PLCG2: variants seen among roughly 807,000 people sequenced by gnomAD.
PLCG2 encodes the protein 1-phosphatidylinositol 4,5-bisphosphate phosphodiesterase gamma-2.
In PLCG2, 69 loss-of-function variants were observed where a neutral mutation model predicts 175.6. The ratio of observed to expected loss-of-function variants is 0.39; its 90% CI spans 0.32 to 0.48. The LOEUF is 0.48. Among genes scored for constraint, PLCG2 ranks in the 20% least tolerant of loss-of-function variants. PLCG2 has a pLI of 0.91. For synonymous variants in PLCG2, 827 were observed against 624.0 expected (o/e 1.33, Z -4.85); for missense variants, 1,798 against 1,650.9 (o/e 1.09, Z -1.54).
chr16:81,800,817 A>G (rs912097314), intron 2 of PLCG2, among the ~76,000 whole-genome samples: 1 of 152,090 alleles, frequency 6.6e-6, no homozygotes, highest in Admixed American at 6.6e-5. Context: ...GATTGAACAG[A>G]TCTTGAGATG....
chr16:81,804,141 G>A (rs1911885826), intron 2 of PLCG2, among the ~76,000 whole-genome samples: 1 of 152,216 alleles, frequency 6.6e-6, no homozygotes, highest in African/African-American at 2.4e-5. Context: ...GTTTGCCAAA[G>A]CAGTTGCACC....
Position 81,957,497 on chromosome 16 carries a change from T to G in PLCG2, c.3756-459T>G, listed in dbSNP as rs577105665. Reference sequence around the variant, plus strand: ...ACTTTTAAGGAGTACTTATTGTGTTTCCAAGAATGGGCTAGTCCAGCGGCT... The same window carrying G: ...ACTTTTAAGGAGTACTTATTGTGTTGCCAAGAATGGGCTAGTCCAGCGGCT... On this transcript the variant is annotated intron_variant, in intron 32 of 32. Transcript: ENST00000564138. 3.3e-5 allele frequency among the ~76,000 whole-genome samples: 5 copies of G among 152,306 alleles called. No individual in the cohort carries two copies. In the South Asian group the frequency reaches 8.3e-4, roughly 25 times the overall value.
chr16:81,837,175 C>T (rs1020214940), intron 2 of PLCG2, among the ~76,000 whole-genome samples: 37 of 152,152 alleles, frequency 2.4e-4, no homozygotes, highest in African/African-American at 7.0e-4. Context: ...AACGAGAATA[C>T]ATATACATGC....
chr16:81,875,557 C>T (rs1907740250), intron 7 of PLCG2, among the ~76,000 whole-genome samples: 1 of 152,178 alleles, frequency 6.6e-6, no homozygotes, highest in African/African-American at 2.4e-5. Flanking sequence ...CAGCTGACTT[C>T]AGCCATTATC....
rs1239813704 is a variant in PLCG2 at position 81,786,007 on chromosome 16, T to C, written c.18T>C (p.Asn6=). Residue 6 remains asparagine (N), a synonymous_variant, in exon 2 of 33, where the codon AAT becomes AAC. Coordinates refer to ENST00000564138, the MANE Select transcript of PLCG2 (RefSeq NM_002661.5). The stretch of plus-strand genomic sequence containing the variant: ...GGCCGACAATGTCCACCACGGTCAA[T>C]GTAGATTCCCTTGCGGAATATGAGA... MSTTV[N]VDSLAEYEKS... 1 of 1,614,128 alleles carries C rather than the reference T, an allele frequency of 6.2e-7. No homozygotes were observed. The highest frequency in any genetic ancestry group is 1.1e-5 in the South Asian group (1 of 91,072).
chr16:81,935,807 A>T, intron 26 of PLCG2: 1 of 985,286 alleles, frequency 1.0e-6, no homozygotes, highest in African/African-American at 1.7e-5. Flanking sequence ...GTCTCTCTGG[A>T]TCTTCCCCTC....
chr16:81,928,999 C>G (rs1178763693), intron 24 of PLCG2, among the ~76,000 whole-genome samples: 1 of 152,230 alleles, frequency 6.6e-6, no homozygotes, highest in Non-Finnish European at 1.5e-5. Flanking sequence ...GGGTTCTAAA[C>G]CCAGCTCTGC....
At chr16:81,816,311 C>T (rs1904544522) in intron 2 of PLCG2, among the ~76,000 whole-genome samples, 1 of 152,116 alleles carries the variant, frequency 6.6e-6, no homozygotes, top group African/African-American at 2.4e-5. Context: ...ATGGAAGTTA[C>T]AGTGAGTCCA....
At chr16:81,910,853 T>G (rs984468310) in intron 18 of PLCG2, 133 bp downstream of exon 18, 1 of 810,970 alleles carries the variant, frequency 1.2e-6, no homozygotes, top group African/African-American at 1.7e-5. Flanking sequence ...CATCTCAAAA[T>G]TGCCGAGGTG....
Position 81,912,825 on chromosome 16 carries a change from C to A in PLCG2, c.2054+109C>A, listed in dbSNP as rs1909688782. 1.7e-5 allele frequency: 22 copies of A among 1,316,446 alleles called. No individual in the cohort carries two copies. In the East Asian group the frequency reaches 3.4e-4, roughly 21 times the overall value. 81.5% of individuals were successfully genotyped at this position (1,316,446 alleles called of 1,614,324 possible). A position where few individuals can be genotyped will look rare whatever the true frequency, so the allele number is the denominator to read the frequency against. The stretch of plus-strand genomic sequence containing the variant: ...GAGGCTCACCTGCAGTGCCCTGCCC[C>A]CCCAGCATCAGCGACAACAACAACC... On this transcript the variant is annotated intron_variant, in intron 19 of 32. Coordinates refer to ENST00000564138, the MANE Select transcript of PLCG2 (RefSeq NM_002661.5).
Position 81,841,984 on chromosome 16 carries a change from C to T in PLCG2, c.194-12460C>T, listed in dbSNP as rs187269480. 2.6e-4 allele frequency among the ~76,000 whole-genome samples: 39 copies of T among 152,360 alleles called. 1 individual carries two copies. Among genetic ancestry groups the T allele is most frequent in the Admixed American group, 1.0e-3 (16 of 15,306 alleles). Reference sequence around the variant, plus strand: ...AACCATTCAGCCTAGTAGCTAAACTCACCTTGGTGGAGCCCTCCTGGGGCC... The same window carrying T: ...AACCATTCAGCCTAGTAGCTAAACTTACCTTGGTGGAGCCCTCCTGGGGCC... On this transcript the variant is annotated intron_variant, in intron 2 of 32. Transcript: ENST00000564138.
intron 2 of PLCG2, among the ~76,000 whole-genome samples, chr16:81,812,992 T>C (rs4889394): frequency 1 from 151,539 of 152,274 alleles, 75,405 homozygotes; most frequent in East Asian, 1. Context: ...GGTAGATGTG[T>C]GATGTTATTT....
At chr16:81,889,079 T>TC (rs1908508524) in intron 9 of PLCG2, 93 bp from the exon 10 acceptor site, 1 of 723,938 alleles carries the variant, frequency 1.4e-6, no homozygotes, top group East Asian at 2.8e-5. Context: ...GGTTGATGTT[T>TC]CAGTCTTCGA....
chr16:81,908,308 C>T (rs990889265), intron 16 of PLCG2, 108 bp from the exon 17 acceptor site: 9 of 1,032,814 alleles, frequency 8.7e-6, no homozygotes, highest in African/African-American at 6.4e-5. Context: ...AGGCTGGCCT[C>T]TCTATGTTAT....
intron 2 of PLCG2, among the ~76,000 whole-genome samples, chr16:81,806,923 C>G (rs891629772): frequency 2.6e-5 from 4 of 151,968 alleles, no homozygotes; most frequent in African/African-American, 7.3e-5. Context: ...TGACCCAGGG[C>G]TGTGGAGGCC....
chr16:81,956,831 G>T lies in PLCG2; in HGVS notation c.3707G>T (p.Ser1236Ile). Residue 1236 changes from serine (S) to isoleucine (I), a missense_variant, in exon 32 of 33, where the codon AGT becomes ATT. Ser to Ile is a moderately radical substitution (Grantham distance 142, BLOSUM62 -2). Transcript: ENST00000564138. ...ANRDALVKEF[S>I]VNENQLQLYQ... ...CGGGATGCCCTGGTTAAAGAGTTCA[G>T]TGTTAATGAGAACCAGCTCCAGCTG... is the stretch of plus-strand genomic sequence containing the variant. The T allele has an allele frequency of 6.2e-7, 1 of 1,614,180 alleles. No homozygotes were observed. The highest frequency in any genetic ancestry group is 8.5e-7 in the Non-Finnish European group (1 of 1,180,006).
At chr16:81,940,460 G>GGC (rs1555522918) in intron 30 of PLCG2, among the ~76,000 whole-genome samples, 1 of 145,994 alleles carries the variant, frequency 6.8e-6, no homozygotes, top group African/African-American at 2.4e-5. Context: ...GGCATCTTGG[G>GGC]GGGGGAGTAA....
intron 5 of PLCG2, among the ~76,000 whole-genome samples, chr16:81,863,448 C>T (rs141266744): frequency 2.0e-5 from 3 of 152,336 alleles, no homozygotes; most frequent in South Asian, 2.1e-4. Flanking sequence ...TCTACTTCTC[C>T]ATCGATGGAC....
At chr16:81,923,693 C>T in intron 22 of PLCG2, 99 bp downstream of exon 22, 1 of 705,290 alleles carries the variant, frequency 1.4e-6, no homozygotes, top group Admixed American at 2.4e-5. Context: ...CCCCCTTTGT[C>T]ATCCTGGGCT....
Sources: gnomAD v4.1 joint callset for allele counts (sites outside exome capture counted in the v4.1 genomes callset) on GRCh38, gnomAD v4.1.1 for gene constraint, MANE v1.5 for transcripts, NCBI Gene and HGNC (gene_info 2026-07-23, HGNC 2026-07-21) for gene names.